The following NCOA6 variants were observed in gnomAD, a reference collection of about 807,000 sequenced individuals.
NCOA6 encodes the protein nuclear receptor coactivator 6.
In NCOA6, 49 loss-of-function variants were observed where a neutral mutation model predicts 171.4. The observed-to-expected ratio is 0.29, with a 90% confidence interval of 0.23 to 0.36. NCOA6 has a LOEUF of 0.36. Among genes scored for constraint, NCOA6 ranks in the 10% least tolerant of loss-of-function variants. The pLI is 1.00. For missense variants in NCOA6, 2,248 were observed against 2,554.5 expected (o/e 0.88, Z 2.59); for synonymous variants, 910 against 927.5 (o/e 0.98, Z 0.34).
intron 8 of NCOA6, among the ~76,000 whole-genome samples, chr20:34,751,891 T>C (rs946860721): frequency 2.6e-5 from 4 of 152,200 alleles, no homozygotes; most frequent in African/African-American, 9.6e-5. Flanking sequence ...TTTGTTGTTT[T>C]GTTTTTGAGA....
chr20:34,771,636 A>G (rs1050425382), intron 4 of NCOA6, among the ~76,000 whole-genome samples: 1 of 152,030 alleles, frequency 6.6e-6, no homozygotes, highest in African/African-American at 2.4e-5. Flanking sequence ...ATCTCATGCT[A>G]TTTTTCTCCT....
At position 34,741,353 on chromosome 20, in the gene NCOA6, C is replaced by A; in HGVS notation, c.4903G>T (p.Gly1635Cys). Reference sequence around the variant, plus strand: ...CCCTCAGAAACCATAACCTTGCTACCCGCATTGGGCATTGTGACAACTGTT... The same window carrying A: ...CCCTCAGAAACCATAACCTTGCTACACGCATTGGGCATTGTGACAACTGTT... The part of the protein sequence containing the change: ...MSTVVTMPNA[G>C]SKVMVSEGQS... The change falls in exon 11 of 15, where the codon GGT (glycine) becomes TGT (cysteine). Residue 1635 changes from glycine to cysteine, a missense_variant. This residue lies in a region of NCOA6 where 884 missense variants were observed against 941.9 expected (regional missense o/e 0.94). Coordinates refer to ENST00000359003, the MANE Select transcript of NCOA6 (RefSeq NM_014071.5). The A allele has an allele frequency of 6.2e-7, 1 of 1,614,196 alleles. No homozygotes were observed. Among genetic ancestry groups the A allele is most frequent in the Non-Finnish European group, 8.5e-7 (1 of 1,180,042 alleles).
intron 2 of NCOA6, among the ~76,000 whole-genome samples, chr20:34,791,262 C>T (rs8121093): frequency 0.031 from 4,723 of 152,274 alleles, 250 homozygotes; most frequent in African/African-American, 0.11. Flanking sequence ...AATTTCTTCT[C>T]GAAACATGCT....
chr20:34,726,979 A>C (rs1451194462), intron 14 of NCOA6, among the ~76,000 whole-genome samples: 3 of 151,914 alleles, frequency 2.0e-5, no homozygotes, highest in East Asian at 3.9e-4. Context: ...ACAAAAACCA[A>C]CAACAACAAC....
intron 4 of NCOA6, among the ~76,000 whole-genome samples, chr20:34,775,143 G>T (rs562391790): frequency 9.9e-5 from 15 of 152,172 alleles, no homozygotes; most frequent in Non-Finnish European, 1.9e-4. Context: ...TGGAACACAG[G>T]GGGCAAGGGA....
intron 13 of NCOA6, among the ~76,000 whole-genome samples, chr20:34,729,711 A>T (rs967091993): frequency 1.8e-4 from 28 of 152,212 alleles, no homozygotes; most frequent in Admixed American, 1.8e-3. Flanking sequence ...ATCGTGTTCT[A>T]TTTTAATGTT....
intron 1 of NCOA6, among the ~76,000 whole-genome samples, chr20:34,793,609 C>T (rs955817873): frequency 3.3e-5 from 5 of 151,384 alleles, no homozygotes; most frequent in African/African-American, 1.2e-4. Context: ...GGCAAGAAAG[C>T]TAGATCCTGT....
Position 34,727,317 on chromosome 20 carries a change from C to T in NCOA6, c.6090G>A (p.Val2030=). ...AAGATCGTTTACGATGTCCATTTTC[C>T]ACACTTTCAGAGGCCACAGTTGGCT... ...TEEPTVASES[V]ENGHRKRSSR... is the part of the protein sequence containing the mutation. Residue 2030 remains valine, a synonymous_variant, in exon 14 of 15, where the codon GTG becomes GTA. Transcript: ENST00000359003. The T allele has an allele frequency of 6.2e-7, 1 of 1,614,194 alleles. No homozygotes were observed. The highest frequency in any genetic ancestry group is 8.5e-7 in the Non-Finnish European group (1 of 1,180,042).
At chr20:34,777,836 G>A (rs1352021442) in intron 3 of NCOA6, among the ~76,000 whole-genome samples, 1 of 152,168 alleles carries the variant, frequency 6.6e-6, no homozygotes, top group East Asian at 1.9e-4. Context: ...CAATAGCTAA[G>A]ATATGGAAGC....
At chr20:34,763,194 G>T (rs2076869071) in intron 5 of NCOA6, among the ~76,000 whole-genome samples, 1 of 152,142 alleles carries the variant, frequency 6.6e-6, no homozygotes, top group Non-Finnish European at 1.5e-5. Context: ...TTCTTTGACT[G>T]TCATCCCTCC....
chr20:34,746,918 T>C lies in NCOA6; in HGVS notation c.2803A>G (p.Thr935Ala). 6.7e-7 allele frequency: 1 copy of C among 1,489,398 alleles called. No individual in the cohort carries two copies. The highest frequency in any genetic ancestry group is 1.3e-5 in the South Asian group (1 of 76,618). 92.3% of individuals were successfully genotyped at this position (1,489,398 alleles called of 1,614,324 possible). The change falls in exon 10 of 15, where the codon ACT (threonine) becomes GCT (alanine). Residue 935 changes from threonine to alanine, a missense_variant. Transcript: ENST00000359003. ...NSQQDLNTPD[T>A]RPAGLEEADQ... is the part of the protein sequence containing the mutation. ...GCCTCTTCCAGACCAGCTGGGCGAG[T>C]ATCTGGGGTGCTAAAAAAAAAAAAA...
At chr20:34,769,647 A>G (rs2077084115) in intron 4 of NCOA6, among the ~76,000 whole-genome samples, 1 of 152,142 alleles carries the variant, frequency 6.6e-6, no homozygotes, top group South Asian at 2.1e-4. Flanking sequence ...TACAGGCGTG[A>G]GCCACGGTGC....
At chr20:34,780,943 T>A (rs1294567298) in intron 3 of NCOA6, among the ~76,000 whole-genome samples, 4 of 152,226 alleles carry the variant, frequency 2.6e-5, no homozygotes, top group Non-Finnish European at 4.4e-5. Context: ...CATGAACTAC[T>A]GTGCCTGGCC....
chr20:34,793,704 A>G (rs1048485200), intron 1 of NCOA6, among the ~76,000 whole-genome samples: 1 of 152,206 alleles, frequency 6.6e-6, no homozygotes, highest in Non-Finnish European at 1.5e-5. Flanking sequence ...AAAGCAAAAA[A>G]CATTGTAAGT....
chr20:34,755,017 G>A, intron 7 of NCOA6, 149 bp from the exon 8 acceptor site: 3 of 730,726 alleles, frequency 4.1e-6, no homozygotes, highest in Non-Finnish European at 6.4e-6. Context: ...AATAAGGTTG[G>A]GAAAGATGGT....
At chr20:34,791,093 G>A (rs940000769) in intron 2 of NCOA6, among the ~76,000 whole-genome samples, 5 of 152,084 alleles carry the variant, frequency 3.3e-5, no homozygotes, top group African/African-American at 1.2e-4. Context: ...GACATGTTTT[G>A]GAACTAGATA....
At chr20:34,774,625 G>C (rs1165231018) in intron 4 of NCOA6, among the ~76,000 whole-genome samples, 3 of 152,180 alleles carry the variant, frequency 2.0e-5, no homozygotes, top group Non-Finnish European at 4.4e-5. Flanking sequence ...ACAGGGCCAG[G>C]AGGACCTGGA....
chr20:34,796,790 GC>G (rs1411956827), intron 1 of NCOA6, among the ~76,000 whole-genome samples: 1 of 150,920 alleles, frequency 6.6e-6, no homozygotes, highest in Non-Finnish European at 1.5e-5. Flanking sequence ...CTGCTTTCCA[GC>G]CTGGGCAAAA....
intron 1 of NCOA6, among the ~76,000 whole-genome samples, chr20:34,792,776 ATTTTT>A (rs35924752): frequency 4.5e-5 from 5 of 112,310 alleles, no homozygotes; most frequent in Admixed American, 1.1e-4. Flanking sequence ...ATCTTTTCTG[ATTTTT>A]TTTTTTTTTT....
Sources: gnomAD v4.1 joint callset for allele counts (sites outside exome capture counted in the v4.1 genomes callset) on GRCh38, gnomAD v4.1.1 for gene constraint, gnomAD v4.1.1 regional missense constraint, MANE v1.5 for transcripts, NCBI Gene and HGNC (gene_info 2026-07-23, HGNC 2026-07-21) for gene names.